ATP5MJ: variants seen among roughly 807,000 people sequenced by gnomAD.
The protein encoded by ATP5MJ is ATP synthase F(0) complex subunit j, mitochondrial.
A neutral mutation model predicts 8.3 loss-of-function variants in ATP5MJ; 4 were observed. The observed-to-expected ratio is 0.48, with a 90% confidence interval of 0.24 to 1.11. ATP5MJ has a LOEUF of 1.11. ATP5MJ is among the 50% of genes least tolerant of loss of function. The probability of loss-of-function intolerance (pLI) is 0.18; values close to 1 mark genes in which losing one functional copy is unlikely to be tolerated. For synonymous variants in ATP5MJ, 23 were observed against 21.3 expected (o/e 1.08, Z -0.23); for missense variants, 66 against 71.8 (o/e 0.92, Z 0.29).
Position 103,912,825 on chromosome 14 carries a change from GA to G in ATP5MJ, c.149-132del, listed in dbSNP as rs1169466288. ...ATAAATGACACCTTTCAATACTATT[GA>G]AAAGTAGGATTATTTCTATATGAAA... On this transcript the variant is annotated intron_variant, in intron 3 of 3. Transcript: ENST00000286953. 4 of 862,626 alleles carry G rather than the reference GA, an allele frequency of 4.6e-6. No individual in the cohort carries two copies. In the Admixed American group the frequency reaches 9.2e-5, roughly 20 times the overall value. 53.4% of individuals were successfully genotyped at this position (862,626 alleles called of 1,614,324 possible). A position where few individuals can be genotyped will look rare whatever the true frequency, so the allele number is the denominator to read the frequency against.
At chr14:103,914,666 G>A in intron 2 of ATP5MJ, 1 of 582,676 alleles carries the variant, frequency 1.7e-6, no homozygotes, top group Non-Finnish European at 3.1e-6. Context: ...AAAAAAATTA[G>A]CTAGGTGTGG....
At chr14:103,921,003 G>T (rs1412870347) in intron 1 of ATP5MJ, 1 of 1,551,662 alleles carries the variant, frequency 6.4e-7, no homozygotes, top group Non-Finnish European at 8.7e-7. Flanking sequence ...AGCACCGTAT[G>T]ATCTCTTTTC....
intron 1 of ATP5MJ, chr14:103,917,958 G>C (rs1042995018): frequency 3.3e-5 from 5 of 152,198 alleles, no homozygotes; most frequent in African/African-American, 1.2e-4. Context: ...CCCTATGAGA[G>C]GACTTATTTA....
Position 103,912,590 on chromosome 14 carries a change from T to C in ATP5MJ, c.*76A>G. ...ACAAGTGTACAGTGACGTTCCACGC[T>C]CCCCATCTAACACGGCTTGCTGAAA... On this transcript the variant is annotated 3_prime_UTR_variant, in exon 4 of 4. Transcript: ENST00000286953. The C allele has an allele frequency of 6.9e-7, 1 of 1,450,358 alleles. No individual in the cohort carries two copies. The highest frequency in any genetic ancestry group is 9.7e-7 in the Non-Finnish European group (1 of 1,034,762). The allele number at this position is 1,450,358 out of a possible 1,614,324, so 89.8% of individuals were successfully genotyped here. A position where few individuals can be genotyped will look rare whatever the true frequency, so the allele number is the denominator to read the frequency against.
In ATP5MJ at chr14:103,920,884, T is replaced by A. The variant is rs1448545491; in HGVS notation, c.-1+586A>T. 1.1e-5 allele frequency: 13 copies of A among 1,234,572 alleles called. No homozygotes were observed. In the East Asian group the frequency reaches 2.8e-4, roughly 26 times the overall value. The allele number at this position is 1,234,572 out of a possible 1,614,324, so 76.5% of individuals were successfully genotyped here. On this transcript the variant is annotated intron_variant, in intron 1 of 3. Coordinates refer to ENST00000286953, the MANE Select transcript of ATP5MJ (RefSeq NM_004894.3). Reference sequence around the variant, plus strand: ...ATTCATAGGCCAAACGTGTGTCTACTGTATCCACTTAAGTCTGCAAAGTTT... The same window carrying A: ...ATTCATAGGCCAAACGTGTGTCTACAGTATCCACTTAAGTCTGCAAAGTTT...
chr14:103,912,917 A>G (rs767604188), intron 3 of ATP5MJ: 39 of 552,898 alleles, frequency 7.1e-5, no homozygotes, highest in South Asian at 4.2e-4. Context: ...CAGCGCAAAG[A>G]GAGAGGCAGG....
At chr14:103,921,205 C>T (rs1379594133) in intron 1 of ATP5MJ, 1 of 609,030 alleles carries the variant, frequency 1.6e-6, no homozygotes, top group Non-Finnish European at 2.9e-6. Context: ...CCAAGGTACG[C>T]TCCCTGTCAA....
intron 1 of ATP5MJ, among the ~76,000 whole-genome samples, chr14:103,919,835 C>T (rs28601645): frequency 0.11 from 15,975 of 145,612 alleles, 1,925 homozygotes; most frequent in African/African-American, 0.3. Context: ...AGGGCCCCCC[C>T]TTTTTTTTTT....
chr14:103,918,996 T>G (rs1311271874), intron 1 of ATP5MJ, among the ~76,000 whole-genome samples: 3 of 151,462 alleles, frequency 2.0e-5, no homozygotes, highest in Non-Finnish European at 4.4e-5. Context: ...CACTCCAGCC[T>G]GGGTGACAGA....
In ATP5MJ at chr14:103,912,426, T is replaced by C. The variant is rs968938327; in HGVS notation, c.*240A>G. 6.0e-6 allele frequency: 3 copies of C among 503,920 alleles called. No homozygotes were observed. The highest frequency in any genetic ancestry group is 1.1e-5 in the Non-Finnish European group (3 of 281,138). 31.2% of individuals were successfully genotyped at this position (503,920 alleles called of 1,614,324 possible). ...GTGGCTCAGTGAGATTCTGATTGCA[T>C]GCGCTGCATGACAAATTATCTACTC... On this transcript the variant is annotated 3_prime_UTR_variant, in exon 4 of 4. Coordinates refer to ENST00000286953, the MANE Select transcript of ATP5MJ (RefSeq NM_004894.3).
rs781757476 is a variant in ATP5MJ at position 103,912,651 on chromosome 14, T to G, written c.*15A>C. 1.8e-5 allele frequency: 29 copies of G among 1,613,584 alleles called. No homozygotes were observed. The highest frequency in any genetic ancestry group is 2.3e-5 in the Non-Finnish European group (27 of 1,179,686). On this transcript the variant is annotated 3_prime_UTR_variant, in exon 4 of 4. Coordinates refer to ENST00000286953, the MANE Select transcript of ATP5MJ (RefSeq NM_004894.3). Reference sequence around the variant, plus strand: ...GACTGACGTTTTCTTTCACATGTACTCCAAGTAAATCTGGTTAGTGATGAC... The same window carrying G: ...GACTGACGTTTTCTTTCACATGTACGCCAAGTAAATCTGGTTAGTGATGAC...
chr14:103,918,413 G>A (rs886505521), intron 1 of ATP5MJ, among the ~76,000 whole-genome samples: 3 of 151,896 alleles, frequency 2.0e-5, no homozygotes, highest in Admixed American at 2.0e-4. Flanking sequence ...CCAGGCTGGA[G>A]TGCAGTGGCG....
chr14:103,921,122 A>G, intron 1 of ATP5MJ: 1 of 1,289,354 alleles, frequency 7.8e-7, no homozygotes, highest in Non-Finnish European at 1.1e-6. Context: ...ATGTGGAGTC[A>G]GAGTTCTTGG....
At chr14:103,912,741 C>T (rs2087590508) in intron 3 of ATP5MJ, 47 bp from the exon 4 acceptor site, 9 of 1,573,888 alleles carry the variant, frequency 5.7e-6, no homozygotes, top group Non-Finnish European at 7.8e-6. Flanking sequence ...AAGGAAGGAA[C>T]AAGTTGGATG....
At chr14:103,913,283 G>A in intron 3 of ATP5MJ, 1 of 152,708 alleles carries the variant, frequency 6.5e-6, no homozygotes, top group Non-Finnish European at 1.5e-5. Flanking sequence ...TTGTGCCACT[G>A]CACTCCAGCC....
At chr14:103,919,440 A>G (rs1360751448) in intron 1 of ATP5MJ, among the ~76,000 whole-genome samples, 2 of 152,034 alleles carry the variant, frequency 1.3e-5, no homozygotes, top group Non-Finnish European at 2.9e-5. Flanking sequence ...CAGAATTGAT[A>G]CAAATATCCA....
intron 1 of ATP5MJ, among the ~76,000 whole-genome samples, chr14:103,918,623 G>T (rs1356302454): frequency 6.6e-6 from 1 of 152,016 alleles, no homozygotes; most frequent in African/African-American, 2.4e-5. Flanking sequence ...GCCTCCCAAA[G>T]TGCAGGGATT....
intron 1 of ATP5MJ, chr14:103,920,795 C>T (rs1211857221): frequency 2.7e-6 from 2 of 742,026 alleles, no homozygotes; most frequent in South Asian, 1.5e-5. Flanking sequence ...TCCATTCTGC[C>T]CAGGCACATT....
At chr14:103,913,788 A>C (rs985293997) in intron 3 of ATP5MJ, 173 bp downstream of exon 3, 10 of 716,172 alleles carry the variant, frequency 1.4e-5, no homozygotes, top group Non-Finnish European at 2.1e-5. Context: ...AGAAATTCAG[A>C]ATTCTCTTTC....
Sources: allele counts gnomAD v4.1 joint callset (sites outside exome capture counted in the v4.1 genomes callset), GRCh38; gene constraint gnomAD v4.1.1; transcripts MANE v1.5; gene names NCBI Gene and HGNC (gene_info 2026-07-23, HGNC 2026-07-21).